The following ADAMTS15 variants were observed in gnomAD, a reference collection of about 807,000 sequenced individuals.
The protein encoded by ADAMTS15 is ADAM metallopeptidase with thrombospondin type 1 motif 15, also known as A disintegrin and metalloproteinase with thrombospondin motifs 15.
A neutral mutation model predicts 79.1 loss-of-function variants in ADAMTS15; 35 were observed. That is an observed-to-expected ratio of 0.44 (90% confidence interval 0.34 to 0.59). The LOEUF is 0.59. ADAMTS15 is among the 20% of genes least tolerant of loss of function. The pLI is 0.02. For missense variants in ADAMTS15, 1,324 were observed against 1,318.7 expected (o/e 1.00, Z -0.06); for synonymous variants, 616 against 567.3 (o/e 1.09, Z -1.22).
intron 4 of ADAMTS15, among the ~76,000 whole-genome samples, chr11:130,468,165 C>T (rs960466451): frequency 7.2e-5 from 11 of 152,182 alleles, no homozygotes; most frequent in Non-Finnish European, 1.2e-4. Flanking sequence ...CCGGGGCCAG[C>T]GTGGTGCTGG....
In ADAMTS15 at chr11:130,471,019, A is replaced by G; in HGVS notation, c.1820A>G (p.Tyr607Cys). 1.2e-6 allele frequency: 2 copies of G among 1,613,460 alleles called. No individual in the cohort carries two copies. The highest frequency in any genetic ancestry group is 1.7e-6 in the Non-Finnish European group (2 of 1,179,982). ...CTCGCCGTGGCATGGGTGCCCAAGTACTCCGGCGTGTCTCCCCGGGACAAG... is the reference window on the plus strand; with the variant it reads ...CTCGCCGTGGCATGGGTGCCCAAGTGCTCCGGCGTGTCTCCCCGGGACAAG... ...LTLAVAWVPKYSGVSPRDKCK... is the reference protein window; with the variant it reads ...LTLAVAWVPKCSGVSPRDKCK... Residue 607 changes from tyrosine to cysteine, a missense_variant, in exon 6 of 8, where the codon TAC becomes TGC. By Grantham distance (194) the Tyr-to-Cys change is radical. Transcript: ENST00000299164.
chr11:130,449,894 CGA>C lies in ADAMTS15; in HGVS notation c.923_924del (p.Glu308ValfsTer20). ...TGAACAAAGTGAGTGACAAGCACCCCGAGTACTGGGACACTGCCATCCTCTTC... is the reference window on the plus strand; with the variant it reads ...TGAACAAAGTGAGTGACAAGCACCCCGTACTGGGACACTGCCATCCTCTTC... ...KLNKVSDKHP[E>X]YWDTAILFTR... On this transcript the variant is annotated frameshift_variant, in exon 1 of 8. Coordinates refer to ENST00000299164, the MANE Select transcript of ADAMTS15 (RefSeq NM_139055.4). LOFTEE classifies it high-confidence loss of function. This position sits in a 1 kb window ranked among gnomAD's most constrained non-coding sequence, Gnocchi z 7.8. 6.2e-7 allele frequency: 1 copy of C among 1,601,030 alleles called. No individual in the cohort carries two copies. The highest frequency in any genetic ancestry group is 8.5e-7 in the Non-Finnish European group (1 of 1,179,948).
intron 4 of ADAMTS15, among the ~76,000 whole-genome samples, chr11:130,468,939 CAA>C (rs911391031): frequency 7.2e-5 from 2 of 27,846 alleles, no homozygotes; most frequent in African/African-American, 2.0e-4. Context: ...TCCACCTCAA[CAA>C]AAAAAAAAAA....
rs1198844125 is a variant in ADAMTS15, at chr11:130,470,170, ATATATATATATGTG to A, written c.1720+733_1721-735del. ...TATATATGTGTATATATATATATAT[ATATATATATATGTG>A]TGTATATATATATATATATATATAT... On this transcript the variant is annotated intron_variant, in intron 5 of 7. Coordinates refer to ENST00000299164, the MANE Select transcript of ADAMTS15 (RefSeq NM_139055.4). Among the ~76,000 whole-genome samples the A allele has an allele frequency of 8.6e-4, 50 of 58,106 alleles. 2 individuals are homozygous for A. Among genetic ancestry groups the A allele is most frequent in the African/African-American group, 3.8e-3 (39 of 10,228 alleles). 38.1% of individuals were successfully genotyped at this position (58,106 alleles called of 152,430 possible).
chr11:130,455,261 C>T (rs1257804328), intron 1 of ADAMTS15, among the ~76,000 whole-genome samples: 1 of 152,160 alleles, frequency 6.6e-6, no homozygotes, highest in Non-Finnish European at 1.5e-5. Flanking sequence ...TCAGTACATG[C>T]TTCTTGTTGA....
At chr11:130,464,616 C>T (rs1938264946) in intron 4 of ADAMTS15, among the ~76,000 whole-genome samples, 1 of 152,158 alleles carries the variant, frequency 6.6e-6, no homozygotes, top group African/African-American at 2.4e-5. Flanking sequence ...CATGCCTTCC[C>T]ATCATGCCTC....
At chr11:130,465,826 C>T (rs1938288156) in intron 4 of ADAMTS15, among the ~76,000 whole-genome samples, 1 of 151,944 alleles carries the variant, frequency 6.6e-6, no homozygotes, top group African/African-American at 2.4e-5. Flanking sequence ...ATTACCTTTA[C>T]TGCTTCTTCC....
intron 7 of ADAMTS15, 50 bp downstream of exon 7, chr11:130,471,433 G>A: frequency 6.3e-7 from 1 of 1,576,560 alleles, no homozygotes; most frequent in Non-Finnish European, 8.6e-7. Context: ...GGAGGGAGGT[G>A]GAGTTTCCCA....
intron 4 of ADAMTS15, among the ~76,000 whole-genome samples, chr11:130,467,961 A>G (rs2279568): frequency 0.19 from 29,592 of 152,126 alleles, 3,984 homozygotes; most frequent in African/African-American, 0.38. Flanking sequence ...TTGGTCTGGC[A>G]TCAAGTCTGA....
rs1344147272 is a variant in ADAMTS15, at chr11:130,449,174, C to T, written c.201C>T (p.His67=). The T allele has an allele frequency of 3.1e-6, 5 of 1,612,070 alleles. No individual in the cohort carries two copies. The highest frequency in any genetic ancestry group is 4.2e-6 in the Non-Finnish European group (5 of 1,178,552). The change falls in exon 1 of 8, where the codon CAC becomes CAT. Residue 67 remains histidine, a synonymous_variant. Coordinates refer to ENST00000299164, the MANE Select transcript of ADAMTS15 (RefSeq NM_139055.4). The surrounding 1 kb of genome is among the most constrained non-coding windows in gnomAD (Gnocchi z 7.8). ...ITAFQEDFYL[H]LTPDAQFLAP... ...CATTTCAGGAGGACTTTTACCTACA[C>T]CTGACGCCGGATGCTCAGTTCTTGG... is the stretch of plus-strand genomic sequence containing the variant.
In ADAMTS15 at chr11:130,473,967, G is replaced by C; in HGVS notation, c.*146G>C. On this transcript the variant is annotated 3_prime_UTR_variant, in exon 8 of 8. Transcript: ENST00000299164. Reference sequence around the variant, plus strand: ...GGGGACAAGGACCATGGGCTGGGGCGAGAGGTTCCCTCCTCCTCCCTGGAC... The same window carrying C: ...GGGGACAAGGACCATGGGCTGGGGCCAGAGGTTCCCTCCTCCTCCCTGGAC... 1 of 1,174,926 alleles carries C rather than the reference G, an allele frequency of 8.5e-7. No individual in the cohort carries two copies. Among genetic ancestry groups the C allele is most frequent in the South Asian group, 1.6e-5 (1 of 62,314 alleles). 72.8% of individuals were successfully genotyped at this position (1,174,926 alleles called of 1,614,324 possible).
chr11:130,470,186 G>GTATATATA (rs1421284406), intron 5 of ADAMTS15, among the ~76,000 whole-genome samples: 1 of 67,178 alleles, frequency 1.5e-5, no homozygotes, highest in Non-Finnish European at 2.6e-5. Context: ...ATATATGTGT[G>GTATATATA]TATATATATA....
At position 130,449,485 on chromosome 11, in the gene ADAMTS15, C is replaced by T. The variant is rs1937913018; in HGVS notation, c.512C>T (p.Thr171Ile). Reference protein sequence around the residue: ...GVPGGPSGDPTSRCGVASGWN... With the variant: ...GVPGGPSGDPISRCGVASGWN... The stretch of plus-strand genomic sequence containing the variant: ...CCGGGCGGGCCTTCCGGAGACCCCA[C>T]CTCTCGCTGCGGGGTGGCCTCGGGC... Residue 171 changes from threonine (T) to isoleucine (I), a missense_variant, in exon 1 of 8, where the codon ACC becomes ATC. By Grantham distance (89) the Thr-to-Ile change is moderately conservative (BLOSUM62 -1). Coordinates refer to ENST00000299164, the MANE Select transcript of ADAMTS15 (RefSeq NM_139055.4). This position sits in a 1 kb window ranked among gnomAD's most constrained non-coding sequence, Gnocchi z 7.8. 1.9e-6 allele frequency: 3 copies of T among 1,559,896 alleles called. No individual in the cohort carries two copies. Among genetic ancestry groups the T allele is most frequent in the African/African-American group, 1.4e-5 (1 of 73,950 alleles).
chr11:130,449,550 C>A lies in ADAMTS15; in HGVS notation c.577C>A (p.Pro193Thr). The change falls in exon 1 of 8, where the codon CCG becomes ACG. Residue 193 changes from proline to threonine, a missense_variant. Coordinates refer to ENST00000299164, the MANE Select transcript of ADAMTS15 (RefSeq NM_139055.4). This position sits in a 1 kb window ranked among gnomAD's most constrained non-coding sequence, Gnocchi z 7.8. ...AILRALDPYK[P>T]RRAGFGESRS... The stretch of plus-strand genomic sequence containing the variant: ...CCTACGGGCCCTGGACCCTTACAAG[C>A]CGCGGCGGGCGGGCTTCGGGGAGAG... 6.3e-7 allele frequency: 1 copy of A among 1,580,150 alleles called. No individual in the cohort carries two copies.
At chr11:130,453,422 T>C (rs1938008642) in intron 1 of ADAMTS15, among the ~76,000 whole-genome samples, 1 of 152,072 alleles carries the variant, frequency 6.6e-6, no homozygotes, top group Admixed American at 6.6e-5. Flanking sequence ...AGGACTTGTA[T>C]TTTATGATTA....
At position 130,473,822 on chromosome 11, in the gene ADAMTS15, G is replaced by C. The variant is rs773356564; in HGVS notation, c.*1G>C. 5 of 1,589,630 alleles carry C rather than the reference G, an allele frequency of 3.1e-6. No individual in the cohort carries two copies. The highest frequency in any genetic ancestry group is 4.3e-6 in the Non-Finnish European group (5 of 1,173,732). ...CTTCTGCGTCCTGAGGCCGTGCTGA[G>C]TGGGGTCATCGCTTTCTCCCCCTCA... is the stretch of plus-strand genomic sequence containing the variant. On this transcript the variant is annotated 3_prime_UTR_variant, in exon 8 of 8. Transcript: ENST00000299164.
intron 2 of ADAMTS15, 142 bp downstream of exon 2, chr11:130,461,763 G>A (rs1292483518): frequency 3.0e-6 from 4 of 1,339,278 alleles, no homozygotes; most frequent in East Asian, 2.5e-5. Flanking sequence ...CAGCAGCTTT[G>A]TACTTTTTCC....
chr11:130,449,487 T>A lies in ADAMTS15; in HGVS notation c.514T>A (p.Ser172Thr), dbSNP rs1937913155. ...VPGGPSGDPTSRCGVASGWNP... is the reference protein window; with the variant it reads ...VPGGPSGDPTTRCGVASGWNP... Reference sequence around the variant, plus strand: ...GGGCGGGCCTTCCGGAGACCCCACCTCTCGCTGCGGGGTGGCCTCGGGCTG... The same window carrying A: ...GGGCGGGCCTTCCGGAGACCCCACCACTCGCTGCGGGGTGGCCTCGGGCTG... Residue 172 changes from serine (S) to threonine (T), a missense_variant, in exon 1 of 8, where the codon TCT (serine) becomes ACT (threonine). Physicochemically the swap from Ser to Thr is moderately conservative, Grantham distance 58. Coordinates refer to ENST00000299164, the MANE Select transcript of ADAMTS15 (RefSeq NM_139055.4). The surrounding 1 kb of genome is among the most constrained non-coding windows in gnomAD (Gnocchi z 7.8). The A allele has an allele frequency of 1.3e-6, 2 of 1,559,260 alleles. No homozygotes were observed. Among genetic ancestry groups the A allele is most frequent in the Admixed American group, 1.8e-5 (1 of 56,562 alleles).
In ADAMTS15 at chr11:130,473,765, T is replaced by A; in HGVS notation, c.2797T>A (p.Cys933Ser). 1 of 1,599,168 alleles carries A rather than the reference T, an allele frequency of 6.3e-7. No individual in the cohort carries two copies. Among genetic ancestry groups the A allele is most frequent in the East Asian group, 2.2e-5 (1 of 44,860 alleles). ...AGGCCGGCTGCTGGCCCGGGACCAG[T>A]GCAACTTGCACCGCAAGCCCCAGGA... ...HGGRLLARDQ[C>S]NLHRKPQELD... is the part of the protein sequence containing the mutation. Residue 933 changes from cysteine to serine, a missense_variant, in exon 8 of 8, where the codon TGC (cysteine) becomes AGC (serine). By Grantham distance (112) the Cys-to-Ser change is moderately radical (BLOSUM62 -1). Transcript: ENST00000299164.
Sources: gnomAD v4.1 joint callset for allele counts (sites outside exome capture counted in the v4.1 genomes callset) on GRCh38, gnomAD v4.1.1 for gene constraint, Gnocchi (gnomAD v3.1) non-coding constraint, MANE v1.5 for transcripts, NCBI Gene and HGNC (gene_info 2026-07-23, HGNC 2026-07-21) for gene names.